Variants in EPB41 observed in about 807,000 individuals in gnomAD.
The protein encoded by EPB41 is erythrocyte membrane protein band 4.1, also known as protein 4.1.
EPB41 carries 65 observed loss-of-function variants against 108.0 expected under a neutral mutation model. The ratio of observed to expected loss-of-function variants is 0.60; its 90% CI spans 0.49 to 0.74. EPB41 has a LOEUF of 0.74. EPB41 is among the 30% of genes least tolerant of loss of function. The pLI is 0.00. For missense variants in EPB41, 875 were observed against 1,037.0 expected, an observed-to-expected ratio of 0.84 and a Z score of 2.15; for synonymous variants, 336 against 358.9, an observed-to-expected ratio of 0.94 and a Z score of 0.72.
At chr1:28,937,685 G>A (rs1349753850) in intron 1 of EPB41, among the ~76,000 whole-genome samples, 5 of 152,132 alleles carry the variant, frequency 3.3e-5, no homozygotes, top group South Asian at 2.1e-4. Flanking sequence ...GAGCCACCGC[G>A]CCTGGCCATA....
chr1:28,894,316 A>G (rs191096922), intron 1 of EPB41, among the ~76,000 whole-genome samples: 4 of 152,300 alleles, frequency 2.6e-5, no homozygotes, highest in Non-Finnish European at 1.5e-5. Flanking sequence ...GAAGATATTT[A>G]TTGACTGTTT....
intron 1 of EPB41, among the ~76,000 whole-genome samples, chr1:28,965,951 G>C (rs2095345748): frequency 6.6e-6 from 1 of 152,168 alleles, no homozygotes; most frequent in Non-Finnish European, 1.5e-5. Context: ...GGGAGGCTGA[G>C]ACGGGTGGAT....
chr1:28,899,247 A>G (rs971030090), intron 1 of EPB41, among the ~76,000 whole-genome samples: 7 of 152,216 alleles, frequency 4.6e-5, no homozygotes, highest in African/African-American at 1.7e-4. Context: ...AATAATGTAC[A>G]GAAAGCACCT....
At chr1:28,895,548 G>A (rs2090576229) in intron 1 of EPB41, among the ~76,000 whole-genome samples, 1 of 151,940 alleles carries the variant, frequency 6.6e-6, no homozygotes, top group South Asian at 2.1e-4. Context: ...GGAGTGCAGT[G>A]GTGCCATCTC....
chr1:29,061,583 T>TG (rs1558195810), intron 15 of EPB41, among the ~76,000 whole-genome samples: 3 of 137,456 alleles, frequency 2.2e-5, no homozygotes, highest in South Asian at 2.5e-4. Context: ...TTTTTTTTTT[T>TG]TTTTTTTTTT....
intron 12 of EPB41, 142 bp from the exon 13 acceptor site, chr1:29,058,447 C>A: frequency 1.3e-6 from 1 of 755,642 alleles, no homozygotes; most frequent in Non-Finnish European, 2.3e-6. Flanking sequence ...CCCTGTAACA[C>A]CCTCCATAAG....
chr1:29,105,042 A>G (rs1007304476), intron 17 of EPB41, among the ~76,000 whole-genome samples: 2 of 151,986 alleles, frequency 1.3e-5, no homozygotes, highest in African/African-American at 4.8e-5. Flanking sequence ...GTTTTGACAA[A>G]TGGCTATACA....
At chr1:28,970,284 C>G (rs2095464958) in intron 1 of EPB41, among the ~76,000 whole-genome samples, 1 of 152,072 alleles carries the variant, frequency 6.6e-6, no homozygotes, top group Non-Finnish European at 1.5e-5. Flanking sequence ...CACTTGTATT[C>G]TTACTAGATG....
At chr1:28,941,123 A>G (rs949678331) in intron 1 of EPB41, among the ~76,000 whole-genome samples, 4 of 152,108 alleles carry the variant, frequency 2.6e-5, no homozygotes, top group Non-Finnish European at 4.4e-5. Context: ...TATGCCTGTA[A>G]TCCCAGCACT....
intron 16 of EPB41, among the ~76,000 whole-genome samples, chr1:29,073,411 C>T (rs554830018): frequency 2.0e-5 from 3 of 152,202 alleles, no homozygotes; most frequent in Non-Finnish European, 4.4e-5. Context: ...AGAATGAATA[C>T]GTAATAAATT....
chr1:29,115,256 AGTG>A lies in EPB41; in HGVS notation c.2497-440_2497-438del, dbSNP rs1304690438. ...AAAAATACAAAAATTAGCTGGGCGTAGTGGTACACACCCGTAATCCCAGCTACT... is the reference window on the plus strand; with the variant it reads ...AAAAATACAAAAATTAGCTGGGCGTAGTACACACCCGTAATCCCAGCTACT... On this transcript the variant is annotated intron_variant, in intron 19 of 20. Coordinates refer to ENST00000343067, the MANE Select transcript of EPB41 (RefSeq NM_001376013.1). The surrounding 1 kb of genome is among the most constrained non-coding windows in gnomAD (Gnocchi z 4.4). 6.6e-6 allele frequency among the ~76,000 whole-genome samples: 1 copy of A among 152,044 alleles called. No individual in the cohort carries two copies. Among genetic ancestry groups the A allele is most frequent in the Admixed American group, 6.6e-5 (1 of 15,252 alleles).
intron 1 of EPB41, among the ~76,000 whole-genome samples, chr1:28,924,250 C>CCGGGTG (rs1220649206): frequency 6.6e-6 from 1 of 152,242 alleles, no homozygotes; most frequent in African/African-American, 2.4e-5. Context: ...AAGCCCCTGG[C>CCGGGTG]CGGGTGCGTG....
intron 16 of EPB41, among the ~76,000 whole-genome samples, chr1:29,083,355 A>G (rs985573740): frequency 6.6e-6 from 1 of 152,198 alleles, no homozygotes; most frequent in African/African-American, 2.4e-5. Context: ...TGTGATTCTA[A>G]TGTCCTTTTT....
At chr1:28,910,793 G>A (rs1453287023), upstream of EPB41, among the ~76,000 whole-genome samples, 1 of 151,900 alleles carries the variant, frequency 6.6e-6, no homozygotes, top group Non-Finnish European at 1.5e-5. Flanking sequence ...ACTGCTCCAG[G>A]GGCTAACAGG....
intron 19 of EPB41, among the ~76,000 whole-genome samples, chr1:29,113,789 A>G (rs1290394436): frequency 2.0e-5 from 3 of 152,198 alleles, no homozygotes; most frequent in Admixed American, 1.3e-4. Flanking sequence ...GAGATGCTCC[A>G]GTGTCCCTCA....
chr1:28,972,827 C>T (rs145185440), intron 1 of EPB41, among the ~76,000 whole-genome samples: 3 of 151,942 alleles, frequency 2.0e-5, no homozygotes, highest in African/African-American at 2.4e-5. Flanking sequence ...TGGTTTCAAA[C>T]TCCTGGGCTC....
chr1:28,984,419 TA>T (rs549719377), intron 1 of EPB41, among the ~76,000 whole-genome samples: 103 of 152,334 alleles, frequency 6.8e-4, no homozygotes, highest in Non-Finnish European at 1.3e-3. Flanking sequence ...TTATACTGGT[TA>T]AAGTTGAAAC....
At chr1:28,996,406 G>A (rs902721773) in intron 3 of EPB41, among the ~76,000 whole-genome samples, 3 of 152,182 alleles carry the variant, frequency 2.0e-5, no homozygotes, top group Non-Finnish European at 4.4e-5. Flanking sequence ...GAAAGAGATT[G>A]TAGGGAGTTG....
chr1:28,899,216 G>A (rs1211746894), intron 1 of EPB41, among the ~76,000 whole-genome samples: 2 of 152,192 alleles, frequency 1.3e-5, no homozygotes, highest in East Asian at 1.9e-4. Flanking sequence ...GAGTGGCACC[G>A]ATTTTACCAT....
Sources: allele counts gnomAD v4.1 joint callset (sites outside exome capture counted in the v4.1 genomes callset), GRCh38; gene constraint gnomAD v4.1.1; non-coding constraint Gnocchi (gnomAD v3.1); transcripts MANE v1.5; gene names NCBI Gene and HGNC (gene_info 2026-07-23, HGNC 2026-07-21).